The following CHD6 variants were observed in gnomAD, a reference collection of about 807,000 sequenced individuals.
The protein encoded by CHD6 is chromodomain helicase DNA binding protein 6.
In CHD6, 50 loss-of-function variants were observed where a neutral mutation model predicts 276.9. That is an observed-to-expected ratio of 0.18 (90% CI 0.14 to 0.23). The LOEUF is 0.23. Ranked by LOEUF, CHD6 falls within the 10% of genes least tolerant of loss-of-function variation. The probability of loss-of-function intolerance (pLI) is 1.00; values close to 1 mark genes in which losing one functional copy is unlikely to be tolerated. For missense variants in CHD6, 2,564 were observed against 3,365.8 expected, an observed-to-expected ratio of 0.76 and a Z score of 5.89; for synonymous variants, 1,173 against 1,229.3, an observed-to-expected ratio of 0.95 and a Z score of 0.96.
At chr20:41,459,943 C>G (rs900690017) in intron 17 of CHD6, among the ~76,000 whole-genome samples, 1 of 152,258 alleles carries the variant, frequency 6.6e-6, no homozygotes, top group Admixed American at 6.5e-5. Flanking sequence ...TTGGAACCTC[C>G]TACAGACTTG....
chr20:41,439,524 G>A (rs776475595), intron 26 of CHD6, among the ~76,000 whole-genome samples: 1 of 152,196 alleles, frequency 6.6e-6, no homozygotes, highest in Non-Finnish European at 1.5e-5. Flanking sequence ...AAGCTGAAAT[G>A]TCATGGCCGT....
At position 41,405,322 on chromosome 20, in the gene CHD6, A is replaced by C; in HGVS notation, c.7419T>G (p.Ile2473Met). 1.9e-6 allele frequency: 3 copies of C among 1,614,216 alleles called. No individual in the cohort carries two copies. The highest frequency in any genetic ancestry group is 2.5e-6 in the Non-Finnish European group (3 of 1,180,042). Reference protein sequence around the residue: ...GMGPLFMNGLIAGMDLVGLQN... With the variant: ...GMGPLFMNGLMAGMDLVGLQN... ...GAAGTCCTACCAGGTCCATCCCAGC[A>C]ATCAGTCCATTCATGAACAGTGGCC... is the stretch of plus-strand genomic sequence containing the variant. The change falls in exon 37 of 37, where the codon ATT (isoleucine) becomes ATG (methionine). Residue 2473 changes from isoleucine to methionine, a missense_variant. Ile to Met is a conservative substitution (Grantham distance 10). Around this residue, in one of 7 missense-constraint regions of CHD6, gnomAD observed 25 missense variants for 50.8 expected, o/e 0.49. Coordinates refer to ENST00000373233, the MANE Select transcript of CHD6 (RefSeq NM_032221.5).
intron 1 of CHD6, among the ~76,000 whole-genome samples, chr20:41,559,886 TACACACAC>T (rs72289431): frequency 6.7e-6 from 1 of 149,690 alleles, no homozygotes; most frequent in Admixed American, 6.7e-5. Flanking sequence ...CACGCACACA[TACACACAC>T]ACACACACTC....
In CHD6 at chr20:41,473,566, A is replaced by G. The variant is rs748120111; in HGVS notation, c.2469-49T>C. On this transcript the variant is annotated intron_variant, in intron 16 of 36. Coordinates refer to ENST00000373233, the MANE Select transcript of CHD6 (RefSeq NM_032221.5). This position sits in a 1 kb window ranked among gnomAD's most constrained non-coding sequence, Gnocchi z 4.1. ...AGCCCAGGCGTTAATCATGACTTCA[A>G]TGGAGAACAGCACAAAATGCAGGAA... 3.4e-6 allele frequency: 5 copies of G among 1,484,602 alleles called. No homozygotes were observed. The South Asian group carries it at 4.6e-5, about 14-fold the overall frequency. 92.0% of individuals were successfully genotyped at this position (1,484,602 alleles called of 1,614,324 possible).
At chr20:41,530,684 G>A (rs2044662575) in intron 3 of CHD6, among the ~76,000 whole-genome samples, 1 of 152,152 alleles carries the variant, frequency 6.6e-6, no homozygotes, top group Admixed American at 6.5e-5. Context: ...ATATAAAAGA[G>A]AAGCAATCAA....
chr20:41,565,019 G>A (rs537055524), intron 1 of CHD6, among the ~76,000 whole-genome samples: 2 of 152,086 alleles, frequency 1.3e-5, no homozygotes, highest in East Asian at 3.8e-4. Flanking sequence ...TCATACCCAG[G>A]TAGAAGTAAC....
At chr20:41,457,112 C>T (rs1415036186) in intron 18 of CHD6, 152 bp downstream of exon 18, 7 of 831,766 alleles carry the variant, frequency 8.4e-6, no homozygotes, top group African/African-American at 5.2e-5. Context: ...TGACTCTTAA[C>T]GATGCCCTGT....
At chr20:41,591,663 A>T (rs563181514) in intron 1 of CHD6, among the ~76,000 whole-genome samples, 1 of 152,194 alleles carries the variant, frequency 6.6e-6, no homozygotes, top group South Asian at 2.1e-4. Flanking sequence ...ATTGCACTCC[A>T]GCCTGGGCAA....
At chr20:41,586,697 A>T (rs775602690) in intron 1 of CHD6, among the ~76,000 whole-genome samples, 5 of 152,160 alleles carry the variant, frequency 3.3e-5, no homozygotes, top group African/African-American at 1.2e-4. Flanking sequence ...ACATCAGTCA[A>T]TATAATTCAC....
At chr20:41,610,230 A>T (rs531816915) in intron 1 of CHD6, among the ~76,000 whole-genome samples, 13 of 152,212 alleles carry the variant, frequency 8.5e-5, no homozygotes, top group Admixed American at 2.0e-4. Flanking sequence ...ATAGATTTTG[A>T]TGAATATACT....
intron 13 of CHD6, among the ~76,000 whole-genome samples, chr20:41,488,069 C>T (rs1248171726): frequency 1.3e-5 from 2 of 152,192 alleles, no homozygotes; most frequent in South Asian, 4.1e-4. Context: ...TGCCTCCCCA[C>T]CAGATACTGG....
intron 1 of CHD6, among the ~76,000 whole-genome samples, chr20:41,575,181 C>T (rs2045461543): frequency 6.6e-6 from 1 of 152,128 alleles, no homozygotes; most frequent in South Asian, 2.1e-4. Context: ...GTAACAGGTC[C>T]CTTGAGCCCC....
chr20:41,406,538 G>T (rs922919773), intron 36 of CHD6, among the ~76,000 whole-genome samples: 2 of 152,220 alleles, frequency 1.3e-5, no homozygotes, highest in African/African-American at 4.8e-5. Context: ...CCTCCTTCCT[G>T]AGAGTGGAGC....
At chr20:41,603,554 A>G (rs952695698) in intron 1 of CHD6, among the ~76,000 whole-genome samples, 2 of 151,806 alleles carry the variant, frequency 1.3e-5, no homozygotes, top group Non-Finnish European at 2.9e-5. Context: ...ATTAAGGTTG[A>G]GAAACATTGA....
intron 1 of CHD6, among the ~76,000 whole-genome samples, chr20:41,558,460 G>A (rs1171449433): frequency 6.6e-6 from 1 of 152,168 alleles, no homozygotes; most frequent in African/African-American, 2.4e-5. Flanking sequence ...AGTGTCACAG[G>A]AAGAAGACGT....
chr20:41,405,117 T>C lies in CHD6; in HGVS notation c.7624A>G (p.Met2542Val). The part of the protein sequence containing the change: ...FGVGGLLSPP[M>V]ATTCTSTAPA... ...GCAGTGGAAGTGCAGGTGGTTGCCATGGGTGGACTGAGGAGTCCCCCAACA... is the reference window on the plus strand; with the variant it reads ...GCAGTGGAAGTGCAGGTGGTTGCCACGGGTGGACTGAGGAGTCCCCCAACA... Residue 2542 changes from methionine (M) to valine (V), a missense_variant, in exon 37 of 37, where the codon ATG (methionine) becomes GTG (valine). Met to Val is a conservative substitution (Grantham distance 21). Around this residue, in one of 7 missense-constraint regions of CHD6, gnomAD observed 238 missense variants for 266.0 expected, o/e 0.89. Transcript: ENST00000373233. The C allele has an allele frequency of 1.2e-6, 2 of 1,614,240 alleles. No individual in the cohort carries two copies. The highest frequency in any genetic ancestry group is 8.5e-7 in the Non-Finnish European group (1 of 1,180,028).
intron 12 of CHD6, 47 bp downstream of exon 12, chr20:41,489,731 T>C (rs777826749): frequency 6.2e-7 from 1 of 1,610,586 alleles, no homozygotes; most frequent in African/African-American, 1.3e-5. Context: ...GAAAGGCTGT[T>C]CTGAGCTTAG....
rs1195838072 is a variant in CHD6, at chr20:41,421,847, A to G, written c.4788T>C (p.Thr1596=). ...GGGGGTCGTTCATGATGTAACAGTCAGTGCGGTTCAGCCCATGTTTGGCAG... is the reference window on the plus strand; with the variant it reads ...GGGGGTCGTTCATGATGTAACAGTCGGTGCGGTTCAGCCCATGTTTGGCAG... ...IGTAKHGLNR[T]DCYIMNDPQL... Residue 1596 remains threonine, a synonymous_variant, in exon 31 of 37, where the codon ACT becomes ACC. Transcript: ENST00000373233. 1 of 1,614,178 alleles carries G rather than the reference A, an allele frequency of 6.2e-7. No homozygotes were observed. Among genetic ancestry groups the G allele is most frequent in the Non-Finnish European group, 8.5e-7 (1 of 1,180,008 alleles).
intron 1 of CHD6, among the ~76,000 whole-genome samples, chr20:41,591,379 TAC>T (rs201725894): frequency 0.019 from 2,731 of 144,088 alleles, 55 homozygotes; most frequent in African/African-American, 0.05. Flanking sequence ...TATATATATA[TAC>T]ACACACACAC....
Sources: gnomAD v4.1 joint callset for allele counts (sites outside exome capture counted in the v4.1 genomes callset) on GRCh38, gnomAD v4.1.1 for gene constraint, gnomAD v4.1.1 regional missense constraint, Gnocchi (gnomAD v3.1) non-coding constraint, MANE v1.5 for transcripts, NCBI Gene and HGNC (gene_info 2026-07-23, HGNC 2026-07-21) for gene names.